The following PCM1 variants were observed in gnomAD, a reference collection of about 807,000 sequenced individuals.
PCM1 encodes pericentriolar material 1 protein.
In PCM1, 157 loss-of-function variants were observed where a neutral mutation model predicts 241.9. The ratio of observed to expected loss-of-function variants is 0.65; its 90% CI spans 0.57 to 0.74. The LOEUF is 0.74. PCM1 is among the 30% of genes least tolerant of loss of function. The probability of loss-of-function intolerance (pLI) is 0.00; values close to 1 mark genes in which losing one functional copy is unlikely to be tolerated. For synonymous variants in PCM1, 1,085 were observed against 784.9 expected (o/e 1.38, Z -6.39); for missense variants, 3,478 against 2,360.1 (o/e 1.47, Z -9.81).
intron 30 of PCM1, among the ~76,000 whole-genome samples, chr8:18,007,406 A>G (rs2091630614): frequency 6.6e-6 from 1 of 152,234 alleles, no homozygotes; most frequent in South Asian, 2.1e-4. Flanking sequence ...GTACTAACAG[A>G]TAATTTCTAA....
chr8:17,944,131 C>T (rs1586237262), intron 6 of PCM1, among the ~76,000 whole-genome samples: 1 of 152,206 alleles, frequency 6.6e-6, no homozygotes, highest in East Asian at 1.9e-4. Context: ...GTACCTTGTA[C>T]CTGTGTTTTG....
chr8:17,924,458 A>T (rs147914397), intron 1 of PCM1, among the ~76,000 whole-genome samples: 2 of 152,240 alleles, frequency 1.3e-5, no homozygotes, highest in East Asian at 3.8e-4. Context: ...CATCTTTGTT[A>T]CACTGTTCCG....
chr8:18,021,784 C>T (rs1446931221), intron 36 of PCM1, among the ~76,000 whole-genome samples: 1 of 152,132 alleles, frequency 6.6e-6, no homozygotes, highest in Middle Eastern at 3.2e-3. Context: ...TTACATCAAC[C>T]CCTACAGAAA....
Position 17,938,891 on chromosome 8 carries a change from C to T in PCM1, c.494C>T (p.Thr165Met), listed in dbSNP as rs1046081138. ...DASTNPPNRE[T>M]IGSAQCKELF... ...TCTACAAACCCCCCAAACAGAGAAA[C>T]GATTGGATCAGCACAGTGTAAAGAG... Residue 165 changes from threonine to methionine, a missense_variant, in exon 5 of 39, where the codon ACG (threonine) becomes ATG (methionine). By Grantham distance (81) the Thr-to-Met change is moderately conservative (BLOSUM62 -1). Coordinates refer to ENST00000325083, the MANE Select transcript of PCM1 (RefSeq NM_006197.4). The T allele has an allele frequency of 1.9e-6, 3 of 1,613,540 alleles. No homozygotes were observed. The highest frequency in any genetic ancestry group is 2.7e-5 in the African/African-American group (2 of 74,900).
At position 17,962,097 on chromosome 8, in the gene PCM1, C is replaced by T; in HGVS notation, c.2386C>T (p.Pro796Ser). The T allele has an allele frequency of 1.9e-6, 3 of 1,611,656 alleles. No individual in the cohort carries two copies. The highest frequency in any genetic ancestry group is 1.7e-6 in the Non-Finnish European group (2 of 1,178,548). Residue 796 changes from proline (P) to serine (S), a missense_variant, in exon 16 of 39, where the codon CCA becomes TCA. By Grantham distance (74) the Pro-to-Ser change is moderately conservative. Coordinates refer to ENST00000325083, the MANE Select transcript of PCM1 (RefSeq NM_006197.4). ...KKYMPAVTST[P>S]TVNQHETSTS... The stretch of plus-strand genomic sequence containing the variant: ...ATATATGCCAGCTGTTACTTCAACC[C>T]CAACTGTTAATCAACACGAGACCAG...
chr8:17,981,243 A>G (rs1319165317), intron 24 of PCM1, among the ~76,000 whole-genome samples: 2 of 152,098 alleles, frequency 1.3e-5, no homozygotes, highest in Admixed American at 1.3e-4. Context: ...TAGCTATCAC[A>G]TTCTTTCTTA....
intron 28 of PCM1, among the ~76,000 whole-genome samples, chr8:17,992,489 A>G (rs2085027680): frequency 6.6e-6 from 1 of 151,498 alleles, no homozygotes; most frequent in African/African-American, 2.4e-5. Context: ...TTTGATTTGC[A>G]TTTTCCTGAT....
intron 5 of PCM1, 90 bp from the exon 6 acceptor site, chr8:17,939,601 T>C (rs2061442964): frequency 4.8e-6 from 3 of 623,616 alleles, no homozygotes; most frequent in African/African-American, 1.9e-5. Context: ...AAATAAAAAT[T>C]TGTAAAACTG....
intron 30 of PCM1, among the ~76,000 whole-genome samples, chr8:18,008,280 G>C (rs1042920545): frequency 6.6e-6 from 1 of 152,024 alleles, no homozygotes; most frequent in East Asian, 1.9e-4. Context: ...AACTGCACGT[G>C]TGAGGGATCT....
chr8:18,011,461 G>A (rs1356973265), intron 33 of PCM1, 95 bp downstream of exon 33: 3 of 1,197,994 alleles, frequency 2.5e-6, no homozygotes, highest in African/African-American at 1.6e-5. Context: ...ATAAAATTAA[G>A]TGTCAAAGAA....
chr8:17,965,956 A>G (rs1291330650), intron 18 of PCM1, 43 bp from the exon 19 acceptor site: 4 of 1,460,066 alleles, frequency 2.7e-6, no homozygotes, highest in Non-Finnish European at 3.7e-6. Flanking sequence ...TTAAAAACCA[A>G]ATTATTATGT....
At chr8:18,025,095 G>GTAAC (rs1445163813) in intron 36 of PCM1, 2 of 297,884 alleles carry the variant, frequency 6.7e-6, no homozygotes, top group Admixed American at 1.0e-4. Context: ...AGTCCTGGTT[G>GTAAC]TAACTATTTC....
At position 17,964,588 on chromosome 8, in the gene PCM1, G is replaced by C; in HGVS notation, c.2675G>C (p.Gly892Ala). ...ACTAGAACGATGGCAACTTGGGGAG[G>C]GTCTACCCAGTGTGCACTAGATGAA... ...RTEKTMATWG[G>A]STQCALDEEG... Residue 892 changes from glycine to alanine, a missense_variant, in exon 18 of 39, where the codon GGG (glycine) becomes GCG (alanine). By Grantham distance (60) the Gly-to-Ala change is moderately conservative. Coordinates refer to ENST00000325083, the MANE Select transcript of PCM1 (RefSeq NM_006197.4). The C allele has an allele frequency of 6.2e-7, 1 of 1,613,630 alleles. No individual in the cohort carries two copies.
chr8:17,941,272 T>C (rs1252976660), intron 6 of PCM1, among the ~76,000 whole-genome samples: 1 of 152,100 alleles, frequency 6.6e-6, no homozygotes, highest in Non-Finnish European at 1.5e-5. Flanking sequence ...AGTGGGAACT[T>C]GTATAGATTT....
At chr8:18,001,269 A>T (rs2089321114) in intron 29 of PCM1, among the ~76,000 whole-genome samples, 1 of 152,218 alleles carries the variant, frequency 6.6e-6, no homozygotes, top group Non-Finnish European at 1.5e-5. Flanking sequence ...ATTTGTGTTT[A>T]TTCTGGTTTC....
At chr8:17,940,523 T>C (rs550991515) in intron 6 of PCM1, among the ~76,000 whole-genome samples, 24 of 152,306 alleles carry the variant, frequency 1.6e-4, no homozygotes, top group Non-Finnish European at 2.9e-4. Flanking sequence ...TTACTTAGCA[T>C]GTAGTCTTTT....
intron 17 of PCM1, among the ~76,000 whole-genome samples, 181 bp downstream of exon 17, chr8:17,963,472 T>C (rs1048599542): frequency 6.6e-6 from 1 of 152,228 alleles, no homozygotes; most frequent in African/African-American, 2.4e-5. Context: ...CTGTTCTGAC[T>C]TCTCGTAGCA....
At chr8:17,989,792 C>A in intron 26 of PCM1, 67 bp from the exon 27 acceptor site, 2 of 1,097,902 alleles carry the variant, frequency 1.8e-6, no homozygotes, top group South Asian at 3.1e-5. Context: ...TTAGTTATCT[C>A]TGTTAGATTA....
chr8:18,023,646 C>T (rs988364670), intron 36 of PCM1, among the ~76,000 whole-genome samples: 3 of 152,182 alleles, frequency 2.0e-5, no homozygotes, highest in Non-Finnish European at 4.4e-5. Flanking sequence ...AGCAAGGCCT[C>T]CTCCATTGAT....
Sources: allele counts gnomAD v4.1 joint callset (sites outside exome capture counted in the v4.1 genomes callset), GRCh38; gene constraint gnomAD v4.1.1; transcripts MANE v1.5; gene names NCBI Gene and HGNC (gene_info 2026-07-23, HGNC 2026-07-21).